CZIB: variants seen among roughly 807,000 people sequenced by gnomAD.
CZIB encodes CXXC motif containing zinc binding protein, also known as UPF0587 protein C1orf123.
Under a neutral mutation model 28.3 loss-of-function variants are expected in CZIB, and 26 were observed. That is an observed-to-expected ratio of 0.92 (90% CI 0.67 to 1.27). The LOEUF (loss-of-function observed/expected upper bound fraction) is 1.27, where lower values mean the gene tolerates loss of function less well. Ranked by LOEUF, CZIB falls within the 50% of genes most tolerant of loss-of-function variation. The pLI, the probability that CZIB is intolerant of heterozygous loss-of-function variation, is 0.00. For synonymous variants in CZIB, 78 were observed against 71.1 expected (o/e 1.10, Z -0.49); for missense variants, 179 against 197.3 (o/e 0.91, Z 0.56).
chr1:53,218,125 G>A (rs765789702), intron 5 of CZIB, 47 bp downstream of exon 5: 1 of 1,599,006 alleles, frequency 6.3e-7, no homozygotes, highest in Admixed American at 1.7e-5. Flanking sequence ...ACTAACTCCA[G>A]TTAGGATTTA....
At chr1:53,220,138 A>G (rs1420250922) in intron 2 of CZIB, 123 bp downstream of exon 2, 7 of 842,820 alleles carry the variant, frequency 8.3e-6, no homozygotes, top group Middle Eastern at 2.3e-4. Flanking sequence ...AATTCTAACT[A>G]GGAAAACCCC....
intron 2 of CZIB, chr1:53,220,003 G>A: frequency 2.2e-6 from 1 of 463,028 alleles, no homozygotes; most frequent in East Asian, 3.5e-5. Flanking sequence ...CCTTCAAGTA[G>A]CATTTCGTTT....
At position 53,218,905 on chromosome 1, in the gene CZIB, C is replaced by G; in HGVS notation, c.109G>C (p.Gly37Arg). 3 of 1,613,934 alleles carry G rather than the reference C, an allele frequency of 1.9e-6. No homozygotes were observed. The highest frequency in any genetic ancestry group is 2.5e-6 in the Non-Finnish European group (3 of 1,179,930). Reference sequence around the variant, plus strand: ...TACTGCCACTTGTCCGAAATCTCACCACAGTTGCCACATTTCATCTTTGGG... The same window carrying G: ...TACTGCCACTTGTCCGAAATCTCACGACAGTTGCCACATTTCATCTTTGGG... ...WYLKMKCGNC[G>R]EISDKWQYIR... Residue 37 changes from glycine (G) to arginine (R), a missense_variant, in exon 3 of 8, where the codon GGT (glycine) becomes CGT (arginine). By Grantham distance (125) the Gly-to-Arg change is moderately radical (BLOSUM62 -2). Transcript: ENST00000294360.
chr1:53,214,490 C>CT lies in CZIB; in HGVS notation c.*168dup. 1 of 599,158 alleles carries CT rather than the reference C, an allele frequency of 1.7e-6. No individual in the cohort carries two copies. The highest frequency in any genetic ancestry group is 2.9e-5 in the Admixed American group (1 of 34,784). The allele number at this position is 599,158 out of a possible 1,614,324, so 37.1% of individuals were successfully genotyped here. ...TGCACCAGTGCAGCGTGAACAGGGG[C>CT]TTTATTGATGGGGCTTGGGAAGCTG... On this transcript the variant is annotated 3_prime_UTR_variant, in exon 8 of 8. Coordinates refer to ENST00000294360, the MANE Select transcript of CZIB (RefSeq NM_017887.3).
intron 5 of CZIB, 61 bp from the exon 6 acceptor site, chr1:53,216,920 C>T: frequency 7.1e-7 from 1 of 1,399,718 alleles, no homozygotes; most frequent in Non-Finnish European, 1.0e-6. Flanking sequence ...ACCCCATGGC[C>T]CCTCTCCTTC....
rs750791290 is a variant in CZIB, at chr1:53,220,250, C to T, written c.90+11G>A. The T allele has an allele frequency of 6.2e-7, 1 of 1,612,004 alleles. No individual in the cohort carries two copies. The highest frequency in any genetic ancestry group is 1.1e-5 in the South Asian group (1 of 91,030). On this transcript the variant is annotated intron_variant, in intron 2 of 7. Coordinates refer to ENST00000294360, the MANE Select transcript of CZIB (RefSeq NM_017887.3). ...CGGGCCTCCTCTCCCCGGGCCCCGC[C>T]CCGGCCGCACCTTCAGGTACCACCG...
At chr1:53,216,643 G>GCC in intron 6 of CZIB, 139 bp downstream of exon 6, 1 of 741,708 alleles carries the variant, frequency 1.3e-6, no homozygotes, top group South Asian at 1.7e-5. Flanking sequence ...GCATACAGCA[G>GCC]CCACTTAAGG....
chr1:53,219,530 A>G (rs1035637268), intron 2 of CZIB: 1 of 153,552 alleles, frequency 6.5e-6, no homozygotes, highest in African/African-American at 2.4e-5. Flanking sequence ...CTGCTTGGTT[A>G]GCTTTATGTT....
intron 7 of CZIB, 23 bp from the exon 8 acceptor site, chr1:53,214,759 T>C: frequency 1.2e-6 from 2 of 1,607,100 alleles, no homozygotes; most frequent in Non-Finnish European, 1.7e-6. Context: ...ATGGCATTGT[T>C]AGCCTCACAA....
In CZIB at chr1:53,216,057, C is replaced by A; in HGVS notation, c.340-1G>T. The stretch of plus-strand genomic sequence containing the variant: ...CCACACCTTCAGCAGCAAACCCAGC[C>A]TGCAGGGCACAAGAAGGTACCAGTT... On this transcript the variant is annotated splice_acceptor_variant, in intron 6 of 7. Transcript: ENST00000294360. LOFTEE classifies it high-confidence loss of function. The A allele has an allele frequency of 6.2e-7, 1 of 1,614,132 alleles. No individual in the cohort carries two copies.
At chr1:53,214,827 C>T (rs752940940) in intron 7 of CZIB, 91 bp from the exon 8 acceptor site, 8 of 999,156 alleles carry the variant, frequency 8.0e-6, no homozygotes, top group Non-Finnish European at 1.1e-5. Context: ...CCAGCTCAGG[C>T]TCTGACTCAA....
chr1:53,220,216 A>G (rs778453199), intron 2 of CZIB, 45 bp downstream of exon 2: 6 of 1,536,710 alleles, frequency 3.9e-6, no homozygotes, highest in Non-Finnish European at 5.4e-6. Flanking sequence ...TTCAGCACTG[A>G]GATCAGGACG....
Position 53,218,483 on chromosome 1 carries a change from G to A in CZIB, c.160C>T (p.Leu54=). Residue 54 remains leucine, a synonymous_variant, in exon 4 of 8, where the codon CTG becomes TTG. Coordinates refer to ENST00000294360, the MANE Select transcript of CZIB (RefSeq NM_017887.3). Reference sequence around the variant, plus strand: ...GAAGCACTGCCACGGCCCCCCTTCAGTGCCACACTGTCCTGGCAAAAAGCA... The same window carrying A: ...GAAGCACTGCCACGGCCCCCCTTCAATGCCACACTGTCCTGGCAAAAAGCA... ...QYIRLMDSVA[L]KGGRGSASMV... 6.2e-7 allele frequency: 1 copy of A among 1,614,152 alleles called. No individual in the cohort carries two copies. The highest frequency in any genetic ancestry group is 8.5e-7 in the Non-Finnish European group (1 of 1,180,028).
chr1:53,220,268 T>A lies in CZIB; in HGVS notation c.83A>T (p.Tyr28Phe). Residue 28 changes from tyrosine to phenylalanine, a missense_variant, in exon 2 of 8, where the codon TAC becomes TTC. By Grantham distance (22) the Tyr-to-Phe change is conservative. Transcript: ENST00000294360. ...GCCCCGCCCCGGCCGCACCTTCAGG[T>A]ACCACCGGAAGTCCTCGCCCACGGG... ...LRPVGEDFRW[Y>F]LKMKCGNCGE... 1.2e-6 allele frequency: 2 copies of A among 1,613,328 alleles called. No individual in the cohort carries two copies. Among genetic ancestry groups the A allele is most frequent in the South Asian group, 1.1e-5 (1 of 91,082 alleles).
Position 53,214,550 on chromosome 1 carries a change from G to C in CZIB, c.*109C>G. 1 of 878,752 alleles carries C rather than the reference G, an allele frequency of 1.1e-6. No homozygotes were observed. Among genetic ancestry groups the C allele is most frequent in the Non-Finnish European group, 1.8e-6 (1 of 554,276 alleles). The allele number at this position is 878,752 out of a possible 1,614,324, so 54.4% of individuals were successfully genotyped here. ...CCAGCATGCAGATTGTGAAGGTTTC[G>C]TATAGCCACCAGGAGACAAGGGTCA... is the stretch of plus-strand genomic sequence containing the variant. On this transcript the variant is annotated 3_prime_UTR_variant, in exon 8 of 8. Coordinates refer to ENST00000294360, the MANE Select transcript of CZIB (RefSeq NM_017887.3).
Position 53,220,256 on chromosome 1 carries a change from C to T in CZIB, c.90+5G>A. 1 of 1,612,520 alleles carries T rather than the reference C, an allele frequency of 6.2e-7. No homozygotes were observed. Among genetic ancestry groups the T allele is most frequent in the Non-Finnish European group, 8.5e-7 (1 of 1,179,460 alleles). ...TCCTCTCCCCGGGCCCCGCCCCGGC[C>T]GCACCTTCAGGTACCACCGGAAGTC... On this transcript the variant is annotated splice_donor_5th_base_variant and intron_variant, in intron 2 of 7. Coordinates refer to ENST00000294360, the MANE Select transcript of CZIB (RefSeq NM_017887.3).
At chr1:53,218,552 G>A (rs555568109) in intron 3 of CZIB, 57 bp from the exon 4 acceptor site, 2 of 1,540,870 alleles carry the variant, frequency 1.3e-6, no homozygotes, top group Non-Finnish European at 8.9e-7. Flanking sequence ...ACAGTCCTGA[G>A]GAGATCGAGC....
At chr1:53,216,944 A>C in intron 5 of CZIB, 85 bp from the exon 6 acceptor site, 1 of 1,180,530 alleles carries the variant, frequency 8.5e-7, no homozygotes, top group African/African-American at 1.5e-5. Flanking sequence ...CCAAATGGGC[A>C]CTTACTGCCC....
intron 4 of CZIB, 30 bp downstream of exon 4, chr1:53,218,384 G>T: frequency 6.2e-7 from 1 of 1,612,574 alleles, no homozygotes; most frequent in South Asian, 1.1e-5. Context: ...GGCCACCCTG[G>T]CAGAACTCAG....
Sources: gnomAD v4.1 joint callset for allele counts on GRCh38, gnomAD v4.1.1 for gene constraint, MANE v1.5 for transcripts, NCBI Gene and HGNC (gene_info 2026-07-23, HGNC 2026-07-21) for gene names.